Variants in SULF2 observed in about 807,000 individuals in gnomAD.
The protein encoded by SULF2 is sulfatase 2.
In SULF2, 52 loss-of-function variants were observed where a neutral mutation model predicts 107.7. The ratio of observed to expected loss-of-function variants is 0.48; its 90% CI spans 0.39 to 0.61. The LOEUF is 0.61. Among genes scored for constraint, SULF2 ranks in the 20% least tolerant of loss-of-function variants. SULF2 has a pLI of 0.00. For missense variants in SULF2, 993 were observed against 1,177.3 expected, an observed-to-expected ratio of 0.84 and a Z score of 2.29; for synonymous variants, 460 against 464.3, an observed-to-expected ratio of 0.99 and a Z score of 0.12.
chr20:47,764,331 ATGCT>A (rs1457174969), intron 1 of SULF2, among the ~76,000 whole-genome samples: 1 of 151,014 alleles, frequency 6.6e-6, no homozygotes, highest in Non-Finnish European at 1.5e-5. Context: ...AATTAAAACA[ATGCT>A]TGCGGCATAG....
At chr20:47,724,759 G>T (rs1455409586) in intron 3 of SULF2, among the ~76,000 whole-genome samples, 4 of 152,184 alleles carry the variant, frequency 2.6e-5, no homozygotes, top group Non-Finnish European at 5.9e-5. Flanking sequence ...TCAGAACAAG[G>T]CCTGTCACTC....
At chr20:47,741,274 T>C (rs183672680) in intron 2 of SULF2, among the ~76,000 whole-genome samples, 37 of 141,038 alleles carry the variant, frequency 2.6e-4, no homozygotes, top group African/African-American at 9.9e-4. Context: ...GCCCACTCTC[T>C]GCAGCCACAG....
chr20:47,727,368 C>A (rs1302099688), intron 3 of SULF2, among the ~76,000 whole-genome samples: 2 of 152,094 alleles, frequency 1.3e-5, no homozygotes, highest in Non-Finnish European at 2.9e-5. Flanking sequence ...CCAAGGGGTG[C>A]CAAGATTCCC....
chr20:47,708,588 C>T (rs1314480434), intron 3 of SULF2, among the ~76,000 whole-genome samples: 1 of 152,196 alleles, frequency 6.6e-6, no homozygotes, highest in Non-Finnish European at 1.5e-5. Context: ...TTTTCACCCC[C>T]TCAGTTTGCA....
intron 13 of SULF2, 33 bp downstream of exon 13, chr20:47,665,824 C>G (rs546821347): frequency 2.5e-6 from 4 of 1,579,496 alleles, no homozygotes; most frequent in Non-Finnish European, 3.5e-6. Context: ...CCGTGGTGGC[C>G]GAGAGCATGC....
intron 10 of SULF2, among the ~76,000 whole-genome samples, chr20:47,673,851 A>G (rs1020843545): frequency 6.6e-5 from 10 of 152,194 alleles, no homozygotes; most frequent in African/African-American, 2.4e-4. Flanking sequence ...CTGATTTTTC[A>G]AGAAAAGCCA....
At chr20:47,757,056 C>T (rs2090307748) in intron 2 of SULF2, 133 bp downstream of exon 2, 5 of 791,186 alleles carry the variant, frequency 6.3e-6, no homozygotes, top group South Asian at 2.1e-5. Flanking sequence ...GTGGGTGGCC[C>T]GTGTCTTGGT....
chr20:47,668,809 T>C lies in SULF2; in HGVS notation c.1577-2321A>G, dbSNP rs1602595629. 2.0e-5 allele frequency among the ~76,000 whole-genome samples: 3 copies of C among 151,932 alleles called. No homozygotes were observed. The South Asian group carries it at 6.2e-4, about 31-fold the overall frequency. On this transcript the variant is annotated intron_variant, in intron 11 of 20. Coordinates refer to ENST00000688720, the MANE Select transcript of SULF2 (RefSeq NM_001387048.1). ...TCCACGCCGGTGACCGCCTGTGTGA[T>C]GTGGCTGCCCATGCCCATGGTGCTT...
At chr20:47,693,793 G>A (rs2088282842) in intron 4 of SULF2, among the ~76,000 whole-genome samples, 2 of 152,260 alleles carry the variant, frequency 1.3e-5, no homozygotes, top group South Asian at 4.1e-4. Context: ...AGACCCAGGA[G>A]GGTGGGTCAG....
chr20:47,715,034 T>TCAGCCTTC (rs1319577971), intron 3 of SULF2, among the ~76,000 whole-genome samples: 2 of 151,072 alleles, frequency 1.3e-5, no homozygotes, highest in East Asian at 3.9e-4. Context: ...TCCTCCCACC[T>TCAGCCTTC]CAGCCTTCCA....
At chr20:47,689,337 G>A (rs1280054311) in intron 5 of SULF2, among the ~76,000 whole-genome samples, 3 of 152,234 alleles carry the variant, frequency 2.0e-5, no homozygotes, top group Admixed American at 6.5e-5. Context: ...AGATTAGGTT[G>A]TAAAAGACAC....
intron 2 of SULF2, among the ~76,000 whole-genome samples, chr20:47,741,559 C>A (rs1600623531): frequency 6.6e-6 from 1 of 152,340 alleles, no homozygotes; most frequent in East Asian, 1.9e-4. Context: ...GTTTGCTGTT[C>A]CCTGTGACTT....
chr20:47,742,927 A>ATTTTTTTTTTTTT lies in SULF2; in HGVS notation c.176-5998_176-5986dup, dbSNP rs397837137. ...AGGGAGTTTCAGGATTCAAAACATGATTTTTTTTTTTTTTTTTTTTTTTTT... is the reference window on the plus strand; with the variant it reads ...AGGGAGTTTCAGGATTCAAAACATGATTTTTTTTTTTTTTTTTTTTTTTTTTTTTTTTTTTTTT... On this transcript the variant is annotated intron_variant, in intron 2 of 20. Coordinates refer to ENST00000688720, the MANE Select transcript of SULF2 (RefSeq NM_001387048.1). Among the ~76,000 whole-genome samples, 9 of 99,452 alleles carry ATTTTTTTTTTTTT rather than the reference A, an allele frequency of 9.0e-5. 4 individuals carry two copies. The highest frequency in any genetic ancestry group is 5.9e-5 in the Non-Finnish European group (3 of 50,786). 65.2% of individuals were successfully genotyped at this position (99,452 alleles called of 152,430 possible).
At chr20:47,730,464 T>C (rs1006318118) in intron 3 of SULF2, among the ~76,000 whole-genome samples, 17 of 152,186 alleles carry the variant, frequency 1.1e-4, no homozygotes, top group African/African-American at 4.1e-4. Flanking sequence ...TTGTTACTTT[T>C]TTTTTGAGAT....
intron 1 of SULF2, among the ~76,000 whole-genome samples, chr20:47,784,729 C>T (rs1382883881): frequency 6.6e-6 from 1 of 152,240 alleles, no homozygotes; most frequent in East Asian, 1.9e-4. Flanking sequence ...GAAAAGTGCA[C>T]TCCTAGAATT....
rs1371595820 is a variant in SULF2 at position 47,672,181 on chromosome 20, C to T, written c.1576+17G>A. 6.3e-7 allele frequency: 1 copy of T among 1,590,808 alleles called. No individual in the cohort carries two copies. The highest frequency in any genetic ancestry group is 8.6e-7 in the Non-Finnish European group (1 of 1,163,618). ...TCTCTCTCCTCCTGTCCCACTCAGC[C>T]AGGTTGTGACACTTACTCTTCTTGA... On this transcript the variant is annotated intron_variant, in intron 11 of 20. Transcript: ENST00000688720.
chr20:47,727,997 C>G (rs1216744527), intron 3 of SULF2, among the ~76,000 whole-genome samples: 1 of 152,136 alleles, frequency 6.6e-6, no homozygotes, highest in Non-Finnish European at 1.5e-5. Flanking sequence ...CAGCCTGGGT[C>G]CCAGGAGGGG....
chr20:47,674,987 C>T (rs6018631), intron 10 of SULF2, among the ~76,000 whole-genome samples: 121,845 of 152,092 alleles, frequency 0.8, 49,086 homozygotes, highest in East Asian at 0.95. Context: ...CCCCAAACTC[C>T]GCCCTCAGCA....
intron 3 of SULF2, among the ~76,000 whole-genome samples, chr20:47,721,130 G>A (rs1051946450): frequency 3.4e-5 from 4 of 116,448 alleles, no homozygotes; most frequent in Non-Finnish European, 5.4e-5. Context: ...AGCCTGAGTC[G>A]AGTTCTTCTG....
Sources: gnomAD v4.1 joint callset for allele counts (sites outside exome capture counted in the v4.1 genomes callset) on GRCh38, gnomAD v4.1.1 for gene constraint, MANE v1.5 for transcripts, NCBI Gene and HGNC (gene_info 2026-07-23, HGNC 2026-07-21) for gene names.